ACIN1: variants seen among roughly 807,000 people sequenced by gnomAD.
ACIN1 encodes apoptotic chromatin condensation inducer 1, also known as apoptotic chromatin condensation inducer in the nucleus.
Under a neutral mutation model 146.6 loss-of-function variants are expected in ACIN1, and 16 were observed. That is an observed-to-expected ratio of 0.11 (90% CI 0.07 to 0.17). The LOEUF is 0.17. Among genes scored for constraint, ACIN1 ranks in the 10% least tolerant of loss-of-function variants. The probability of loss-of-function intolerance (pLI) is 1.00; values close to 1 mark genes in which losing one functional copy is unlikely to be tolerated. For missense variants in ACIN1, 1,357 were observed against 1,609.3 expected, an observed-to-expected ratio of 0.84 and a Z score of 2.68; for synonymous variants, 569 against 582.7, an observed-to-expected ratio of 0.98 and a Z score of 0.34.
intron 9 of ACIN1, 174 bp from the exon 10 acceptor site, chr14:23,066,182 C>T (rs992009870): frequency 6.7e-5 from 36 of 537,456 alleles, no homozygotes; most frequent in Non-Finnish European, 7.9e-5. Flanking sequence ...AAGCGGCAAA[C>T]GGCAAAAACG....
intron 4 of ACIN1, among the ~76,000 whole-genome samples, chr14:23,082,437 A>ATTTT (rs11378976): frequency 0.01 from 1,003 of 95,754 alleles, 11 homozygotes; most frequent in Middle Eastern, 0.015. Flanking sequence ...AGAGCTCAAT[A>ATTTT]TTTTTTTTTT....
intron 1 of ACIN1, 32 bp downstream of exon 1, chr14:23,094,940 TCTC>T (rs1376063577): frequency 5.8e-6 from 9 of 1,554,260 alleles, no homozygotes; most frequent in African/African-American, 1.3e-5. Flanking sequence ...CCGGGTCCGC[TCTC>T]CTCCGACACC....
intron 1 of ACIN1, chr14:23,094,551 G>A (rs977873693): frequency 3.0e-6 from 3 of 984,970 alleles, no homozygotes; most frequent in Admixed American, 1.2e-4. Flanking sequence ...TGCAGATACC[G>A]ATACCAACCC....
chr14:23,061,971 CAA>C (rs57962360), intron 16 of ACIN1, among the ~76,000 whole-genome samples, 195 bp downstream of exon 16: 11 of 59,124 alleles, frequency 1.9e-4, no homozygotes, highest in African/African-American at 5.9e-4. Context: ...GACTCTGTCT[CAA>C]AAAAAAAAAA....
intron 8 of ACIN1, among the ~76,000 whole-genome samples, chr14:23,075,279 A>C (rs2047768742): frequency 6.6e-6 from 1 of 151,344 alleles, no homozygotes; most frequent in Non-Finnish European, 1.5e-5. Context: ...CAGCTGAATG[A>C]TACAGCTGCC....
chr14:23,064,665 A>G (rs56186012), intron 10 of ACIN1, 177 bp from the exon 11 acceptor site: 77,938 of 799,986 alleles, frequency 0.097, 4,675 homozygotes, highest in African/African-American at 0.2. Flanking sequence ...TTGGGAGGCC[A>G]AGGCGGGTGG....
chr14:23,059,998 C>T (rs2047225824), intron 18 of ACIN1, among the ~76,000 whole-genome samples: 2 of 138,404 alleles, frequency 1.4e-5, no homozygotes, highest in Admixed American at 1.5e-4. Flanking sequence ...CACTCTGTCG[C>T]CCAGGCTGGA....
Position 23,080,669 on chromosome 14 carries a change from T to C in ACIN1, c.666A>G (p.Glu222=), listed in dbSNP as rs746396568. 9.3e-5 allele frequency: 150 copies of C among 1,613,436 alleles called. No homozygotes were observed. The highest frequency in any genetic ancestry group is 1.5e-4 in the African/African-American group (11 of 74,752). The change falls in exon 6 of 19, where the codon GAA becomes GAG. Residue 222 remains glutamate, a synonymous_variant. Coordinates refer to ENST00000605057, the MANE Select transcript of ACIN1 (RefSeq NM_001386863.1). The part of the protein sequence containing the change: ...EEEEEEEEEE[E]EDDEEEEGDD... ...CACCTTCCTCTTCTTCATCATCTTC[T>C]TCCTCCTCCTCCTCCTCCTCTTCTT... is the stretch of plus-strand genomic sequence containing the variant.
intron 9 of ACIN1, 39 bp from the exon 10 acceptor site, chr14:23,066,047 G>A (rs2047443602): frequency 1.3e-6 from 2 of 1,586,206 alleles, no homozygotes; most frequent in African/African-American, 2.7e-5. Flanking sequence ...AAGAGAAAGA[G>A]AGACACCCCA....
intron 8 of ACIN1, among the ~76,000 whole-genome samples, chr14:23,070,577 A>C (rs1390504359): frequency 6.6e-6 from 1 of 152,124 alleles, no homozygotes; most frequent in Admixed American, 6.5e-5. Context: ...CAGATAAACT[A>C]TCTTTCCACC....
rs1481923058 is a variant in ACIN1 at position 23,062,410 on chromosome 14, C to T, written c.2991+6G>A. ...ATGACCTATAGAATCAGCTTCTTCC[C>T]CTCACCGTTACAAAGCAATGAGATT... On this transcript the variant is annotated splice_donor_region_variant and intron_variant, in intron 15 of 18. Transcript: ENST00000605057. The T allele has an allele frequency of 6.2e-7, 1 of 1,613,948 alleles. No individual in the cohort carries two copies. Among genetic ancestry groups the T allele is most frequent in the African/African-American group, 1.3e-5 (1 of 75,022 alleles).
At chr14:23,069,682 A>AG in intron 8 of ACIN1, 65 bp from the exon 9 acceptor site, 1 of 1,496,138 alleles carries the variant, frequency 6.7e-7, no homozygotes, top group South Asian at 1.2e-5. Flanking sequence ...AGAGAGAGCA[A>AG]GATGTTAGTT....
Position 23,090,048 on chromosome 14 carries a change from G to A in ACIN1, c.370C>T (p.Leu124=), listed in dbSNP as rs768188336. ...EMIHPEGVAS[L]LPPDFQSSLE... is the part of the protein sequence containing the mutation. ...CTGCTCTGAAAGTCAGGAGGCAGCAGGGAAGCCACTCCCTCAGGATGGATC... is the reference window on the plus strand; with the variant it reads ...CTGCTCTGAAAGTCAGGAGGCAGCAAGGAAGCCACTCCCTCAGGATGGATC... Residue 124 remains leucine (L), a synonymous_variant, in exon 4 of 19, where the codon CTG becomes TTG. Transcript: ENST00000605057. 5 of 1,613,706 alleles carry A rather than the reference G, an allele frequency of 3.1e-6. No homozygotes were observed. In the East Asian group the frequency reaches 1.1e-4, roughly 36 times the overall value.
At chr14:23,074,070 C>A (rs577211883) in intron 8 of ACIN1, among the ~76,000 whole-genome samples, 86 of 151,814 alleles carry the variant, frequency 5.7e-4, no homozygotes, top group African/African-American at 1.8e-3. Flanking sequence ...GATCTTCTGA[C>A]CTTGTGATTC....
Position 23,067,829 on chromosome 14 carries a change from C to T in ACIN1, c.2265+1647G>A. ...TGTAACTGGGGAGGGGGTCCTCTCA[C>T]CGAGTGGGATCATGGAGCCTCTGAT... On this transcript the variant is annotated intron_variant, in intron 9 of 18. Transcript: ENST00000605057. This position sits in a 1 kb window ranked among gnomAD's most constrained non-coding sequence, Gnocchi z 4.6. The T allele has an allele frequency of 1.0e-6, 1 of 985,902 alleles. No individual in the cohort carries two copies. Among genetic ancestry groups the T allele is most frequent in the Non-Finnish European group, 1.2e-6 (1 of 829,980 alleles). The allele number at this position is 985,902 out of a possible 1,614,324, so 61.1% of individuals were successfully genotyped here.
intron 2 of ACIN1, among the ~76,000 whole-genome samples, chr14:23,092,470 G>C (rs1289881848): frequency 6.6e-6 from 1 of 152,196 alleles, no homozygotes; most frequent in African/African-American, 2.4e-5. Flanking sequence ...TCTTATGCTT[G>C]TTAAAGTACT....
At chr14:23,078,655 C>T (rs2047862270) in intron 7 of ACIN1, among the ~76,000 whole-genome samples, 165 bp downstream of exon 7, 1 of 152,180 alleles carries the variant, frequency 6.6e-6, no homozygotes, top group Admixed American at 6.5e-5. Flanking sequence ...TGTAGAACTT[C>T]TACGAACCAG....
chr14:23,087,528 T>C (rs2048119046), intron 4 of ACIN1, among the ~76,000 whole-genome samples: 1 of 151,762 alleles, frequency 6.6e-6, no homozygotes, highest in South Asian at 2.1e-4. Flanking sequence ...CATAAAGCAC[T>C]GAAAAGATTG....
At chr14:23,077,719 A>T (rs1186260581) in intron 8 of ACIN1, 1 of 155,534 alleles carries the variant, frequency 6.4e-6, no homozygotes, top group African/African-American at 2.4e-5. Context: ...GGTAGTAACT[A>T]GGGAACTAGG....
Sources: gnomAD v4.1 joint callset for allele counts (sites outside exome capture counted in the v4.1 genomes callset) on GRCh38, gnomAD v4.1.1 for gene constraint, Gnocchi (gnomAD v3.1) non-coding constraint, MANE v1.5 for transcripts, NCBI Gene and HGNC (gene_info 2026-07-23, HGNC 2026-07-21) for gene names.